Variants in ATP1B4 observed in about 807,000 individuals in gnomAD.
ATP1B4 encodes the protein ATPase Na+/K+ transporting family member beta 4.
A neutral mutation model predicts 29.6 loss-of-function variants in ATP1B4; 32 were observed. The ratio of observed to expected loss-of-function variants is 1.08; its 90% CI spans 0.82 to 1.45. The LOEUF (loss-of-function observed/expected upper bound fraction) is 1.45. ATP1B4 is among the 40% of genes most tolerant of loss of function. The pLI, the probability that ATP1B4 is intolerant of heterozygous loss-of-function variation, is 0.00. For missense variants in ATP1B4, 323 were observed against 276.2 expected (o/e 1.17, Z -1.20); for synonymous variants, 127 against 102.1 (o/e 1.24, Z -1.47).
rs1368403270 is a variant in ATP1B4, at chrX:120,382,455, G to T, written c.*2821G>T. ...AAAATTACCTCAATCAAACTCTCAA[G>T]ATTCAGTAGTAAAAGATAATAGAAT... On this transcript the variant is annotated 3_prime_UTR_variant, in exon 8 of 8. Coordinates refer to ENST00000218008, the MANE Select transcript of ATP1B4 (RefSeq NM_001142447.3). 1 of 111,888 alleles carries T rather than the reference G, an allele frequency of 8.9e-6. No homozygotes were observed. The highest frequency in any genetic ancestry group is 1.9e-5 in the Non-Finnish European group (1 of 53,150). 9.2% of individuals were successfully genotyped at this position (111,888 alleles called of 1,213,427 possible).
chrX:120,377,723 C>A (rs756364468), intron 6 of ATP1B4, among the ~76,000 whole-genome samples: 12 of 111,421 alleles, frequency 1.1e-4, no homozygotes, highest in African/African-American at 3.6e-4. Flanking sequence ...TATTTTATGT[C>A]CTTTTAAAAA....
chrX:120,375,482 T>C lies in ATP1B4; in HGVS notation c.673T>C (p.Ser225Pro). ...EDKKACQFKR[S>P]FLKNCSGLED... ...CAAGAAGGCCTGCCAATTTAAGCGC[T>C]CCTTCCTAAAGAACTGCTCTGGTCT... The change falls in exon 5 of 8, where the codon TCC becomes CCC. Residue 225 changes from serine to proline, a missense_variant. Coordinates refer to ENST00000218008, the MANE Select transcript of ATP1B4 (RefSeq NM_001142447.3). 1 of 1,210,769 alleles carries C rather than the reference T, an allele frequency of 8.3e-7. No homozygotes were observed. Among genetic ancestry groups the C allele is most frequent in the Non-Finnish European group, 1.1e-6 (1 of 894,769 alleles).
intron 2 of ATP1B4, among the ~76,000 whole-genome samples, chrX:120,368,373 A>G (rs1486069463): frequency 8.9e-6 from 1 of 112,082 alleles, no homozygotes; most frequent in Non-Finnish European, 1.9e-5. Flanking sequence ...TTGTGCACTT[A>G]CTAATGCTGT....
chrX:120,373,610 A>T (rs982786171), intron 4 of ATP1B4, among the ~76,000 whole-genome samples: 9 of 112,398 alleles, frequency 8.0e-5, no homozygotes, highest in Non-Finnish European at 1.5e-4. Flanking sequence ...TAATTTCTAA[A>T]GCCCAGTTTT....
intron 4 of ATP1B4, among the ~76,000 whole-genome samples, chrX:120,372,335 C>A (rs1274024069): frequency 8.9e-6 from 1 of 112,069 alleles, no homozygotes; most frequent in Non-Finnish European, 1.9e-5. Flanking sequence ...ACTATTATAA[C>A]AAGTGCACTG....
intron 7 of ATP1B4, 133 bp from the exon 8 acceptor site, chrX:120,379,340 T>C: frequency 1.8e-6 from 1 of 553,557 alleles, no homozygotes; most frequent in Non-Finnish European, 2.9e-6. Context: ...TCTGTTGCTT[T>C]GGCCATTTGC....
intron 4 of ATP1B4, among the ~76,000 whole-genome samples, chrX:120,374,667 A>ATT (rs1556039622): frequency 2.0e-3 from 9 of 4,490 alleles, no homozygotes; most frequent in Non-Finnish European, 0.01. Context: ...TATAATATAT[A>ATT]ATATATATAT....
chrX:120,370,000 T>A (rs1424522920), intron 2 of ATP1B4, among the ~76,000 whole-genome samples: 1 of 111,500 alleles, frequency 9.0e-6, no homozygotes, highest in Non-Finnish European at 1.9e-5. Context: ...CCGAGGTAAG[T>A]GCTATTTTTA....
intron 4 of ATP1B4, among the ~76,000 whole-genome samples, chrX:120,372,303 T>C (rs974933801): frequency 1.4e-4 from 16 of 111,822 alleles, no homozygotes; most frequent in African/African-American, 5.2e-4. Flanking sequence ...TGAAGTGGGG[T>C]TGATCCATTC....
chrX:120,366,032 G>A (rs1016608722), intron 1 of ATP1B4, among the ~76,000 whole-genome samples: 5 of 111,894 alleles, frequency 4.5e-5, no homozygotes, highest in Non-Finnish European at 7.5e-5. Context: ...CCTGATGTCC[G>A]TCCCAGGCTA....
intron 6 of ATP1B4, among the ~76,000 whole-genome samples, chrX:120,376,758 C>T (rs749105804): frequency 8.9e-6 from 1 of 112,405 alleles, no homozygotes; most frequent in South Asian, 3.7e-4. Flanking sequence ...AATTGAGATT[C>T]TGTTTACACT....
intron 1 of ATP1B4, among the ~76,000 whole-genome samples, chrX:120,363,424 G>A (rs2058272124): frequency 8.9e-6 from 1 of 112,211 alleles, no homozygotes; most frequent in South Asian, 3.7e-4. Flanking sequence ...TATAATTTCA[G>A]TTATTTGTTA....
rs781438242 is a variant in ATP1B4, at chrX:120,376,383, G to A, written c.763G>A (p.Val255Ile). The A allele has an allele frequency of 4.1e-6, 5 of 1,207,573 alleles. No homozygotes were observed. The East Asian group carries it at 8.9e-5, about 21-fold the overall frequency. ...PCILLKMNRI[V>I]GFRPELGDPV... The stretch of plus-strand genomic sequence containing the variant: ...AACACTGGTTTTCTTTTGATAGATT[G>A]TAGGCTTTCGTCCTGAGCTTGGAGA... Residue 255 changes from valine to isoleucine, a missense_variant, in exon 6 of 8, where the codon GTA becomes ATA. By Grantham distance (29) the Val-to-Ile change is conservative. Coordinates refer to ENST00000218008, the MANE Select transcript of ATP1B4 (RefSeq NM_001142447.3).
At position 120,378,758 on chromosome X, in the gene ATP1B4, C is replaced by T. The variant is rs148650396; in HGVS notation, c.897C>T (p.Tyr299=). ...ASFDLRYYPY[Y]GKLTHVNYTS... is the part of the protein sequence containing the mutation. ...TTGACCTCCGCTACTACCCTTACTA[C>T]GGCAAACTGACTCACGTAAGCTGTA... Residue 299 remains tyrosine (Y), a synonymous_variant, in exon 7 of 8, where the codon TAC becomes TAT. Coordinates refer to ENST00000218008, the MANE Select transcript of ATP1B4 (RefSeq NM_001142447.3). 2.7e-5 allele frequency: 33 copies of T among 1,206,885 alleles called. No individual in the cohort carries two copies. The highest frequency in any genetic ancestry group is 1.3e-4 in the Admixed American group (6 of 45,605).
At chrX:120,375,666 C>A (rs2058350237) in intron 5 of ATP1B4, 98 bp downstream of exon 5, 4 of 699,956 alleles carry the variant, frequency 5.7e-6, no homozygotes, top group Middle Eastern at 8.5e-4. Context: ...TCACACACCA[C>A]AGGTTTGGCC....
At chrX:120,379,003 ATTGGGGTT>A (rs1321239566) in intron 7 of ATP1B4, among the ~76,000 whole-genome samples, 1 of 111,355 alleles carries the variant, frequency 9.0e-6, no homozygotes, top group African/African-American at 3.3e-5. Flanking sequence ...GAATGGGAAA[ATTGGGGTT>A]CAGAGACAGA....
chrX:120,366,395 T>C (rs1602501026), intron 1 of ATP1B4, 130 bp from the exon 2 acceptor site: 2 of 744,023 alleles, frequency 2.7e-6, no homozygotes, highest in Middle Eastern at 3.1e-4. Context: ...TAACAACATG[T>C]ATGTTTATGG....
Position 120,370,746 on chromosome X carries a change from T to C in ATP1B4, c.360T>C (p.Tyr120=). Residue 120 remains tyrosine (Y), a synonymous_variant, in exon 3 of 8, where the codon TAT becomes TAC. Coordinates refer to ENST00000218008, the MANE Select transcript of ATP1B4 (RefSeq NM_001142447.3). The part of the protein sequence containing the change: ...SLILLIYFFF[Y]ASLAAVITLC... ...TCTTACTCATTTACTTCTTCTTCTA[T>C]GCCTCCTTGGCTGCTGTGATCACCC... 1 of 1,211,752 alleles carries C rather than the reference T, an allele frequency of 8.3e-7. No individual in the cohort carries two copies. Among genetic ancestry groups the C allele is most frequent in the Non-Finnish European group, 1.1e-6 (1 of 895,471 alleles).
chrX:120,379,681 A>G lies in ATP1B4; in HGVS notation c.*47A>G, dbSNP rs776949104. 1.8e-6 allele frequency: 2 copies of G among 1,124,771 alleles called. No individual in the cohort carries two copies. The highest frequency in any genetic ancestry group is 5.1e-5 in the Admixed American group (2 of 39,240). The allele number at this position is 1,124,771 out of a possible 1,213,427, so 92.7% of individuals were successfully genotyped here. A position where few individuals can be genotyped will look rare whatever the true frequency, so the allele number is the denominator to read the frequency against. On this transcript the variant is annotated 3_prime_UTR_variant, in exon 8 of 8. Transcript: ENST00000218008. Reference sequence around the variant, plus strand: ...ACCAGTTCTGTTTCTGTTTTATCTCATGGTATCTCTGGTAGCACCTGAATT... The same window carrying G: ...ACCAGTTCTGTTTCTGTTTTATCTCGTGGTATCTCTGGTAGCACCTGAATT...
Sources: allele counts gnomAD v4.1 joint callset (sites outside exome capture counted in the v4.1 genomes callset), GRCh38; gene constraint gnomAD v4.1.1; transcripts MANE v1.5; gene names NCBI Gene and HGNC (gene_info 2026-07-23, HGNC 2026-07-21).